HLA-DOA: variants seen among roughly 807,000 people sequenced by gnomAD.
HLA-DOA encodes HLA class II histocompatibility antigen, DO alpha chain.
HLA-DOA carries 27 observed loss-of-function variants against 22.9 expected under a neutral mutation model. The observed-to-expected ratio is 1.18, with a 90% confidence interval of 0.87 to 1.62. The LOEUF (loss-of-function observed/expected upper bound fraction) is 1.62. Among genes scored for constraint, HLA-DOA ranks in the 40% most tolerant of loss-of-function variants. The pLI is 0.00. For synonymous variants in HLA-DOA, 137 were observed against 138.6 expected (o/e 0.99, Z 0.08); for missense variants, 324 against 332.4 (o/e 0.97, Z 0.20).
rs1394286876 is a variant in HLA-DOA at position 33,007,069 on chromosome 6, G to T, written c.749+11C>A. The T allele has an allele frequency of 6.2e-7, 1 of 1,604,340 alleles. No individual in the cohort carries two copies. Among genetic ancestry groups the T allele is most frequent in the African/African-American group, 1.3e-5 (1 of 74,590 alleles). ...CCTCCCCCACCCCCCAGACTCCCGG[G>T]GCCTCTGCACCTGGGGACACTGGAC... On this transcript the variant is annotated intron_variant, in intron 4 of 4. Coordinates refer to ENST00000229829, the MANE Select transcript of HLA-DOA (RefSeq NM_002119.4).
At position 33,004,610 on chromosome 6, in the gene HLA-DOA, C is replaced by G. The variant is rs539291234; in HGVS notation, c.*2228G>C. On this transcript the variant is annotated 3_prime_UTR_variant, in exon 5 of 5. Coordinates refer to ENST00000229829, the MANE Select transcript of HLA-DOA (RefSeq NM_002119.4). ...TTCACTGAGAAGGACAGTCAGTCCA[C>G]AGAGAGAGAACACCGCTAACATGCA... is the stretch of plus-strand genomic sequence containing the variant. 1 of 152,180 alleles carries G rather than the reference C, an allele frequency of 6.6e-6. No individual in the cohort carries two copies. The highest frequency in any genetic ancestry group is 2.4e-5 in the African/African-American group (1 of 41,426). 9.4% of individuals were successfully genotyped at this position (152,180 alleles called of 1,614,324 possible).
chr6:33,006,331 T>G lies in HLA-DOA; in HGVS notation c.*507A>C. ...GTCCCAGCACCCTTCAGAACTGTTG[T>G]TAGCTGAGGGGGTCGTGAGGAACAG... On this transcript the variant is annotated 3_prime_UTR_variant, in exon 5 of 5. Coordinates refer to ENST00000229829, the MANE Select transcript of HLA-DOA (RefSeq NM_002119.4). 4.8e-6 allele frequency: 1 copy of G among 208,040 alleles called. No individual in the cohort carries two copies. The allele number at this position is 208,040 out of a possible 1,614,324, so 12.9% of individuals were successfully genotyped here. A position where few individuals can be genotyped will look rare whatever the true frequency, so the allele number is the denominator to read the frequency against.
chr6:33,005,390 G>T lies in HLA-DOA; in HGVS notation c.*1448C>A, dbSNP rs188921606. On this transcript the variant is annotated 3_prime_UTR_variant, in exon 5 of 5. Transcript: ENST00000229829. ...ACCTGTAGTCCCAGCTACTCAGGAG[G>T]CTGAGGCAGGAGAATGGCTTGAACT... is the stretch of plus-strand genomic sequence containing the variant. The T allele has an allele frequency of 2.0e-5, 3 of 152,272 alleles. No individual in the cohort carries two copies. The highest frequency in any genetic ancestry group is 7.2e-5 in the African/African-American group (3 of 41,396). 9.4% of individuals were successfully genotyped at this position (152,272 alleles called of 1,614,324 possible).
At chr6:33,007,715 A>C in intron 2 of HLA-DOA, 123 bp from the exon 3 acceptor site, 2 of 1,150,238 alleles carry the variant, frequency 1.7e-6, no homozygotes, top group Non-Finnish European at 2.4e-6. Flanking sequence ...TGGGGTATCC[A>C]CTGGGGCAGG....
chr6:33,007,254 A>G lies in HLA-DOA; in HGVS notation c.614-39T>C, dbSNP rs773832949. On this transcript the variant is annotated intron_variant, in intron 3 of 4. Coordinates refer to ENST00000229829, the MANE Select transcript of HLA-DOA (RefSeq NM_002119.4). ...GAAGGAGTTGGTGGTATATGAAAGGATTCTAGAGTAAAGGAAACCTGGGGC... is the reference window on the plus strand; with the variant it reads ...GAAGGAGTTGGTGGTATATGAAAGGGTTCTAGAGTAAAGGAAACCTGGGGC... 5 of 1,613,270 alleles carry G rather than the reference A, an allele frequency of 3.1e-6. No homozygotes were observed. In the African/African-American group the frequency reaches 6.7e-5, roughly 22 times the overall value.
chr6:33,004,694 C>G lies in HLA-DOA; in HGVS notation c.*2144G>C, dbSNP rs1288034441. 6.6e-6 allele frequency: 1 copy of G among 152,258 alleles called. No individual in the cohort carries two copies. Among genetic ancestry groups the G allele is most frequent in the African/African-American group, 2.4e-5 (1 of 41,414 alleles). 9.4% of individuals were successfully genotyped at this position (152,258 alleles called of 1,614,324 possible). Reference sequence around the variant, plus strand: ...GAGAGTGTTGGAGGGGCAGCTCTAGCTTCTCTGGGCTTTTCGGATCCGAGT... The same window carrying G: ...GAGAGTGTTGGAGGGGCAGCTCTAGGTTCTCTGGGCTTTTCGGATCCGAGT... On this transcript the variant is annotated 3_prime_UTR_variant, in exon 5 of 5. Transcript: ENST00000229829.
At position 33,007,502 on chromosome 6, in the gene HLA-DOA, G is replaced by A. The variant is rs115076830; in HGVS notation, c.422C>T (p.Pro141Leu). Reference sequence around the variant, plus strand: ...GCGCAGCCAGGTGATATTGATCACAGGGGGGAAGATGTTGTCCACGATGCA... The same window carrying A: ...GCGCAGCCAGGTGATATTGATCACAAGGGGGAAGATGTTGTCCACGATGCA... Reference protein sequence around the residue: ...LICIVDNIFPPVINITWLRNG... With the variant: ...LICIVDNIFPLVINITWLRNG... The change falls in exon 3 of 5, where the codon CCT (proline) becomes CTT (leucine). Residue 141 changes from proline (P) to leucine (L), a missense_variant. Transcript: ENST00000229829. 2 of 1,612,374 alleles carry A rather than the reference G, an allele frequency of 1.2e-6. No individual in the cohort carries two copies. The highest frequency in any genetic ancestry group is 2.7e-5 in the African/African-American group (2 of 75,050).
chr6:33,006,781 C>A lies in HLA-DOA; in HGVS notation c.*57G>T. 6.2e-7 allele frequency: 1 copy of A among 1,613,010 alleles called. No homozygotes were observed. The highest frequency in any genetic ancestry group is 8.5e-7 in the Non-Finnish European group (1 of 1,179,982). ...GGCACTGAGCACGCAGGGGCTGTCA[C>A]AAACCCATGAGGATCTGCAGGGTGT... On this transcript the variant is annotated 3_prime_UTR_variant, in exon 5 of 5. Coordinates refer to ENST00000229829, the MANE Select transcript of HLA-DOA (RefSeq NM_002119.4).
intron 1 of HLA-DOA, among the ~76,000 whole-genome samples, chr6:33,008,874 GTTGTC>G (rs1242794280): frequency 6.6e-6 from 1 of 152,088 alleles, no homozygotes; most frequent in Non-Finnish European, 1.5e-5. Context: ...TTCCATAACT[GTTGTC>G]TAGTTTTCTG....
In HLA-DOA at chr6:33,007,395, G is replaced by A. The variant is rs1258990136; in HGVS notation, c.529C>T (p.Leu177=). 1.2e-6 allele frequency: 2 copies of A among 1,605,432 alleles called. No individual in the cohort carries two copies. The highest frequency in any genetic ancestry group is 1.7e-6 in the Non-Finnish European group (2 of 1,175,354). The change falls in exon 3 of 5, where the codon CTG becomes TTG. Residue 177 remains leucine (L), a synonymous_variant. Transcript: ENST00000229829. ...TCCTCGGCTGAGGGCACGAAGGGCA[G>A]GTAGTGGAACTTGCGGAACAAATGG... is the stretch of plus-strand genomic sequence containing the variant. ...PDHLFRKFHY[L]PFVPSAEDVY...
rs540624500 is a variant in HLA-DOA at position 33,007,286 on chromosome 6, G to A, written c.613+25C>T. 3.1e-6 allele frequency: 5 copies of A among 1,613,168 alleles called. No homozygotes were observed. The African/African-American group carries it at 5.3e-5, about 17-fold the overall frequency. On this transcript the variant is annotated intron_variant, in intron 3 of 4. Transcript: ENST00000229829. ...AGTAAAGGAAACCTGGGGCCAGGAG[G>A]GTGCATGGGGAGGGGGCTCCGTACC...
intron 4 of HLA-DOA, 119 bp from the exon 5 acceptor site, chr6:33,006,960 C>T: frequency 6.8e-7 from 1 of 1,477,104 alleles, no homozygotes; most frequent in South Asian, 1.2e-5. Flanking sequence ...CTTCTTTTCT[C>T]CCTGCCCATT....
chr6:33,007,074 C>T lies in HLA-DOA; in HGVS notation c.749+6G>A. On this transcript the variant is annotated splice_donor_region_variant and intron_variant, in intron 4 of 4. Coordinates refer to ENST00000229829, the MANE Select transcript of HLA-DOA (RefSeq NM_002119.4). ...CCCACCCCCCAGACTCCCGGGGCCT[C>T]TGCACCTGGGGACACTGGACACATA... is the stretch of plus-strand genomic sequence containing the variant. 6.2e-7 allele frequency: 1 copy of T among 1,606,966 alleles called. No homozygotes were observed. Among genetic ancestry groups the T allele is most frequent in the Non-Finnish European group, 8.5e-7 (1 of 1,176,190 alleles).
chr6:33,007,464 C>A lies in HLA-DOA; in HGVS notation c.460G>T (p.Val154Phe), dbSNP rs1441817393. The change falls in exon 3 of 5, where the codon GTC becomes TTC. Residue 154 changes from valine (V) to phenylalanine (F), a missense_variant. Physicochemically the swap from Val to Phe is conservative, Grantham distance 50. Coordinates refer to ENST00000229829, the MANE Select transcript of HLA-DOA (RefSeq NM_002119.4). ...CTGGTCTGGGCCACTCCCTCAGTGA[C>A]AGTTTGGCCGTTGCGCAGCCAGGTG... ...NITWLRNGQTVTEGVAQTSFY... is the reference protein window; with the variant it reads ...NITWLRNGQTFTEGVAQTSFY... 4.3e-6 allele frequency: 7 copies of A among 1,611,882 alleles called. No individual in the cohort carries two copies. Among genetic ancestry groups the A allele is most frequent in the Non-Finnish European group, 5.9e-6 (7 of 1,179,440 alleles).
At position 33,005,880 on chromosome 6, in the gene HLA-DOA, C is replaced by T. The variant is rs746427732; in HGVS notation, c.*958G>A. On this transcript the variant is annotated 3_prime_UTR_variant, in exon 5 of 5. Transcript: ENST00000229829. ...ACAGGAATGAGCCACTGCACCAGGC[C>T]AATGCCTGTACTTTTAAAAGGATCC... 3 of 152,268 alleles carry T rather than the reference C, an allele frequency of 2.0e-5. No homozygotes were observed. The highest frequency in any genetic ancestry group is 2.9e-5 in the Non-Finnish European group (2 of 68,104). The allele number at this position is 152,268 out of a possible 1,614,324, so 9.4% of individuals were successfully genotyped here. A position where few individuals can be genotyped will look rare whatever the true frequency, so the allele number is the denominator to read the frequency against.
In HLA-DOA at chr6:33,008,220, A is replaced by T; in HGVS notation, c.124T>A (p.Tyr42Asn). The change falls in exon 2 of 5, where the codon TAC becomes AAC. Residue 42 changes from tyrosine (Y) to asparagine (N), a missense_variant. By Grantham distance (143) the Tyr-to-Asn change is moderately radical. Transcript: ENST00000229829. ...GSYGPAFYQS[Y>N]GASGQFTHEF... is the part of the protein sequence containing the mutation. ...TGGGTGAACTGGCCCGAGGCGCCGT[A>T]AGACTGGTAGAAGGCGGGTCCGTAG... The T allele has an allele frequency of 6.2e-7, 1 of 1,613,048 alleles. No homozygotes were observed. Among genetic ancestry groups the T allele is most frequent in the Non-Finnish European group, 8.5e-7 (1 of 1,180,028 alleles).
chr6:33,006,228 A>G lies in HLA-DOA; in HGVS notation c.*610T>C, dbSNP rs143031101. ...CTAGGGAAAAGTAGAAAAAGGAGAT[A>G]ACATCATGGCAGGATACCAGTGGCC... On this transcript the variant is annotated 3_prime_UTR_variant, in exon 5 of 5. Transcript: ENST00000229829. The G allele has an allele frequency of 2.3e-4, 35 of 153,614 alleles. No individual in the cohort carries two copies. The highest frequency in any genetic ancestry group is 4.6e-4 in the Non-Finnish European group (32 of 68,904). 9.5% of individuals were successfully genotyped at this position (153,614 alleles called of 1,614,324 possible). A position where few individuals can be genotyped will look rare whatever the true frequency, so the allele number is the denominator to read the frequency against.
At chr6:33,007,691 G>A in intron 2 of HLA-DOA, 99 bp from the exon 3 acceptor site, 1 of 1,369,316 alleles carries the variant, frequency 7.3e-7, no homozygotes, top group East Asian at 2.3e-5. Flanking sequence ...GCCATCTGTG[G>A]GCAGGGGATG....
chr6:33,007,894 C>G (rs753019886), intron 2 of HLA-DOA, 119 bp downstream of exon 2: 6 of 1,339,040 alleles, frequency 4.5e-6, no homozygotes, highest in Non-Finnish European at 6.1e-6. Flanking sequence ...AAGAAAGGAA[C>G]AGGGCATGAC....
Sources: allele counts gnomAD v4.1 joint callset (sites outside exome capture counted in the v4.1 genomes callset), GRCh38; gene constraint gnomAD v4.1.1; transcripts MANE v1.5; gene names NCBI Gene and HGNC (gene_info 2026-07-23, HGNC 2026-07-21).